The following FOXO1 variants were observed in gnomAD, a reference collection of about 807,000 sequenced individuals.
FOXO1 encodes forkhead box protein O1.
FOXO1 carries 6 observed loss-of-function variants against 44.1 expected under a neutral mutation model. That is an observed-to-expected ratio of 0.14 (90% CI 0.07 to 0.27). The LOEUF (loss-of-function observed/expected upper bound fraction) is 0.27, where lower values mean the gene tolerates loss of function less well. Among genes scored for constraint, FOXO1 ranks in the 10% least tolerant of loss-of-function variants. FOXO1 has a pLI of 1.00. For missense variants in FOXO1, 737 were observed against 888.8 expected, an observed-to-expected ratio of 0.83 and a Z score of 2.17; for synonymous variants, 380 against 362.7, an observed-to-expected ratio of 1.05 and a Z score of -0.54.
intron 1 of FOXO1, among the ~76,000 whole-genome samples, chr13:40,618,292 T>A (rs1381090911): frequency 6.6e-6 from 1 of 152,052 alleles, no homozygotes; most frequent in East Asian, 1.9e-4. Flanking sequence ...GGTTTCAAAC[T>A]CCTGGACTCA....
intron 1 of FOXO1, among the ~76,000 whole-genome samples, chr13:40,646,425 C>A (rs1274785491): frequency 1.3e-5 from 2 of 151,798 alleles, no homozygotes; most frequent in Non-Finnish European, 2.9e-5. Context: ...TTGTGATCTG[C>A]CCACCTCAGC....
rs751360762 is a variant in FOXO1 at position 40,665,785 on chromosome 13, C to A, written c.428G>T (p.Gly143Val). Residue 143 changes from glycine to valine, a missense_variant, in exon 1 of 3, where the codon GGG becomes GTG. By Grantham distance (109) the Gly-to-Val change is moderately radical (BLOSUM62 -3). Transcript: ENST00000379561. Reference protein sequence around the residue: ...QHPPVPPAAAGPLAGQPRKSS... With the variant: ...QHPPVPPAAAVPLAGQPRKSS... The stretch of plus-strand genomic sequence containing the variant: ...CTTGCGCGGCTGCCCCGCGAGCGGC[C>A]CAGCGGCGGCGGGGGGCACCGGCGG... 6.3e-6 allele frequency: 8 copies of A among 1,265,560 alleles called. No individual in the cohort carries two copies. The South Asian group carries it at 2.7e-4, about 43-fold the overall frequency. 78.4% of individuals were successfully genotyped at this position (1,265,560 alleles called of 1,614,324 possible).
intron 1 of FOXO1, among the ~76,000 whole-genome samples, chr13:40,622,839 G>A (rs1490473139): frequency 6.6e-6 from 1 of 152,068 alleles, no homozygotes; most frequent in Non-Finnish European, 1.5e-5. Context: ...CATTCCCTAA[G>A]GATCACTATA....
intron 1 of FOXO1, among the ~76,000 whole-genome samples, chr13:40,598,502 C>T (rs982400193): frequency 1.3e-5 from 2 of 148,322 alleles, no homozygotes; most frequent in African/African-American, 2.5e-5. Flanking sequence ...TCCACTAGCA[C>T]AAAAAAAAAA....
chr13:40,587,617 T>C (rs1445593775), intron 1 of FOXO1, among the ~76,000 whole-genome samples: 1 of 152,204 alleles, frequency 6.6e-6, no homozygotes. Flanking sequence ...AGACAGTCCA[T>C]CTATACCTAA....
At position 40,556,186 on chromosome 13, in the gene FOXO1, T is replaced by G. The variant is rs1348910129; in HGVS notation, c.*2863A>C. 6.6e-6 allele frequency: 1 copy of G among 152,278 alleles called. No homozygotes were observed. Among genetic ancestry groups the G allele is most frequent in the Non-Finnish European group, 1.5e-5 (1 of 68,042 alleles). The allele number at this position is 152,278 out of a possible 1,614,324, so 9.4% of individuals were successfully genotyped here. On this transcript the variant is annotated 3_prime_UTR_variant, in exon 3 of 3. Transcript: ENST00000379561. ...GTTATTGGTAGCATATATCCAGCAG[T>G]TGAACAAGTCCAATTTGTATATCGT...
intron 1 of FOXO1, among the ~76,000 whole-genome samples, chr13:40,577,433 A>G (rs958907530): frequency 4.6e-5 from 7 of 151,994 alleles, no homozygotes; most frequent in African/African-American, 1.7e-4. Context: ...GACAGGGTCT[A>G]AAACTCACAG....
chr13:40,559,956 G>A lies in FOXO1; in HGVS notation c.1535C>T (p.Ser512Phe). 1.9e-6 allele frequency: 3 copies of A among 1,614,166 alleles called. No homozygotes were observed. Among genetic ancestry groups the A allele is most frequent in the Non-Finnish European group, 2.5e-6 (3 of 1,180,044 alleles). Reference protein sequence around the residue: ...SVMSTYGSQASHNKMMNPSSH... With the variant: ...SVMSTYGSQAFHNKMMNPSSH... Reference sequence around the variant, plus strand: ...GCTGGGATTCATCATTTTGTTATGAGATGCCTGGCTGCCATAGGTTGACAT... The same window carrying A: ...GCTGGGATTCATCATTTTGTTATGAAATGCCTGGCTGCCATAGGTTGACAT... The change falls in exon 2 of 3, where the codon TCT becomes TTT. Residue 512 changes from serine (S) to phenylalanine (F), a missense_variant. Ser to Phe is a radical substitution (Grantham distance 155). This residue lies in a region of FOXO1 where 283 missense variants were observed against 278.1 expected (regional missense o/e 1.02). Coordinates refer to ENST00000379561, the MANE Select transcript of FOXO1 (RefSeq NM_002015.4).
chr13:40,610,996 T>C (rs770146633), intron 1 of FOXO1: 5 of 453,710 alleles, frequency 1.1e-5, no homozygotes, highest in African/African-American at 2.0e-5. Flanking sequence ...TACATCTACA[T>C]AAATTCCAGA....
intron 1 of FOXO1, among the ~76,000 whole-genome samples, chr13:40,584,504 C>CA (rs1875081032): frequency 8.7e-6 from 1 of 114,684 alleles, no homozygotes; most frequent in African/African-American, 3.3e-5. Flanking sequence ...AAAAAAAAGC[C>CA]AGATGCAGTG....
At chr13:40,611,075 T>G (rs1462694192) in intron 1 of FOXO1, 2 of 456,160 alleles carry the variant, frequency 4.4e-6, no homozygotes, top group Non-Finnish European at 8.8e-6. Context: ...TCATCAAAAA[T>G]AAATGCTTAT....
chr13:40,606,591 G>C (rs1382129015), intron 1 of FOXO1, among the ~76,000 whole-genome samples: 2 of 152,202 alleles, frequency 1.3e-5, no homozygotes, highest in Non-Finnish European at 2.9e-5. Flanking sequence ...AGGATTCCAG[G>C]TGTAAGCCAC....
At chr13:40,572,865 A>G (rs1874592814) in intron 1 of FOXO1, among the ~76,000 whole-genome samples, 1 of 152,112 alleles carries the variant, frequency 6.6e-6, no homozygotes, top group Non-Finnish European at 1.5e-5. Context: ...TGCTGTCCAC[A>G]CCTTCCTTCT....
intron 1 of FOXO1, chr13:40,618,957 TCAA>T: frequency 1.9e-6 from 1 of 523,372 alleles, no homozygotes; most frequent in South Asian, 1.4e-5. Context: ...TTAGATGGGG[TCAA>T]CAAACAACTA....
intron 1 of FOXO1, among the ~76,000 whole-genome samples, chr13:40,629,159 T>C (rs918216589): frequency 1.6e-4 from 24 of 152,034 alleles, no homozygotes; most frequent in Non-Finnish European, 1.2e-4. Flanking sequence ...TTTTTTTTTT[T>C]CAGACAGAGT....
chr13:40,616,922 G>A (rs527606056), intron 1 of FOXO1, among the ~76,000 whole-genome samples: 74 of 152,254 alleles, frequency 4.9e-4, no homozygotes, highest in Admixed American at 3.1e-3. Flanking sequence ...TGAGCTTCTC[G>A]GGGCTCCTTT....
At chr13:40,604,377 G>T (rs1875922804) in intron 1 of FOXO1, among the ~76,000 whole-genome samples, 1 of 137,288 alleles carries the variant, frequency 7.3e-6, no homozygotes, top group South Asian at 2.6e-4. Flanking sequence ...TTAGTCTGGT[G>T]TCAGATCTTT....
At chr13:40,572,077 G>A (rs942022492) in intron 1 of FOXO1, among the ~76,000 whole-genome samples, 1 of 152,182 alleles carries the variant, frequency 6.6e-6, no homozygotes, top group African/African-American at 2.4e-5. Flanking sequence ...CTAGGTAAAT[G>A]TATATTCAAG....
At chr13:40,573,521 C>T (rs1055970962) in intron 1 of FOXO1, among the ~76,000 whole-genome samples, 25 of 152,126 alleles carry the variant, frequency 1.6e-4, no homozygotes, top group Admixed American at 5.9e-4. Flanking sequence ...CCTGAGGGTC[C>T]CCACTTGAAT....
Sources: allele counts gnomAD v4.1 joint callset (sites outside exome capture counted in the v4.1 genomes callset), GRCh38; gene constraint gnomAD v4.1.1; regional missense constraint gnomAD v4.1.1; transcripts MANE v1.5; gene names NCBI Gene and HGNC (gene_info 2026-07-23, HGNC 2026-07-21).